SVOPL: variants seen among roughly 807,000 people sequenced by gnomAD.
SVOPL encodes the protein putative transporter SVOPL.
A neutral mutation model predicts 61.0 loss-of-function variants in SVOPL; 60 were observed. The ratio of observed to expected loss-of-function variants is 0.98; its 90% CI spans 0.80 to 1.22. The LOEUF is 1.22. Ranked by LOEUF, SVOPL falls within the 50% of genes most tolerant of loss-of-function variation. The pLI, the probability that SVOPL is intolerant of heterozygous loss-of-function variation, is 0.00. For missense variants in SVOPL, 662 were observed against 643.9 expected, an observed-to-expected ratio of 1.03 and a Z score of -0.30; for synonymous variants, 279 against 250.0, an observed-to-expected ratio of 1.12 and a Z score of -1.09.
chr7:138,638,593 C>T (rs952434587), intron 9 of SVOPL, among the ~76,000 whole-genome samples: 12 of 149,998 alleles, frequency 8.0e-5, no homozygotes, highest in African/African-American at 3.0e-4. Flanking sequence ...GACCCCATCA[C>T]AAAAAACAGC....
At chr7:138,658,322 T>C (rs1478036465) in intron 6 of SVOPL, among the ~76,000 whole-genome samples, 3 of 152,086 alleles carry the variant, frequency 2.0e-5, no homozygotes, top group Admixed American at 6.6e-5. Flanking sequence ...TCTTAAATCA[T>C]AGGGTGATAG....
chr7:138,654,589 T>C (rs1801617443), intron 7 of SVOPL, among the ~76,000 whole-genome samples: 1 of 148,634 alleles, frequency 6.7e-6, no homozygotes, highest in South Asian at 2.2e-4. Flanking sequence ...AACCTTCTCC[T>C]CCCAGGTTCA....
intron 3 of SVOPL, among the ~76,000 whole-genome samples, chr7:138,678,179 C>T (rs1802615091): frequency 6.6e-6 from 1 of 151,994 alleles, no homozygotes; most frequent in Non-Finnish European, 1.5e-5. Flanking sequence ...CTGAAAGTCC[C>T]CCCTCCCCCA....
chr7:138,624,611 T>C (rs1156601111), intron 13 of SVOPL, among the ~76,000 whole-genome samples: 1 of 152,134 alleles, frequency 6.6e-6, no homozygotes, highest in African/African-American at 2.4e-5. Flanking sequence ...CAACACGAAA[T>C]TGGAATACAA....
chr7:138,660,761 T>G (rs1423679694), intron 5 of SVOPL: 1 of 985,188 alleles, frequency 1.0e-6, no homozygotes, highest in Non-Finnish European at 1.2e-6. Context: ...GCCAGGCTGA[T>G]GGTCAGAAAA....
chr7:138,653,256 G>A (rs1801526565), intron 7 of SVOPL, among the ~76,000 whole-genome samples: 1 of 152,170 alleles, frequency 6.6e-6, no homozygotes, highest in Non-Finnish European at 1.5e-5. Context: ...AGGTCATCCA[G>A]GAGATCTAGC....
chr7:138,650,207 G>A (rs1050906030), intron 7 of SVOPL, among the ~76,000 whole-genome samples: 1 of 152,172 alleles, frequency 6.6e-6, no homozygotes, highest in African/African-American at 2.4e-5. Context: ...ACATTTTGGA[G>A]ATAAAGGTGA....
chr7:138,688,047 C>T (rs1011698898), intron 1 of SVOPL, among the ~76,000 whole-genome samples: 21 of 152,150 alleles, frequency 1.4e-4, no homozygotes, highest in Admixed American at 3.3e-4. Context: ...GTGATCCACC[C>T]GCCTCGGCCC....
At position 138,628,282 on chromosome 7, in the gene SVOPL, C is replaced by T; in HGVS notation, c.945G>A (p.Lys315=). ...CAGTCACCACCACCGCAGAGTCTGA[C>T]TTTGAACCACAGACCAAGTCCCGCT... ...LLERDLVCGS[K]SDSAVVVTGG... Residue 315 remains lysine, a synonymous_variant, in exon 11 of 16, where the codon AAG becomes AAA. Transcript: ENST00000674285. 6.2e-7 allele frequency: 1 copy of T among 1,614,202 alleles called. No individual in the cohort carries two copies. Among genetic ancestry groups the T allele is most frequent in the Non-Finnish European group, 8.5e-7 (1 of 1,180,040 alleles).
intron 1 of SVOPL, among the ~76,000 whole-genome samples, chr7:138,697,786 GAGA>G (rs960373838): frequency 6.0e-5 from 9 of 150,578 alleles, no homozygotes; most frequent in Middle Eastern, 6.9e-3. Context: ...GGAGGAGAAG[GAGA>G]AGAAGAAGAG....
chr7:138,679,615 C>T (rs748077372), intron 1 of SVOPL, among the ~76,000 whole-genome samples: 1 of 152,084 alleles, frequency 6.6e-6, no homozygotes, highest in Non-Finnish European at 1.5e-5. Context: ...GGAATTTGCC[C>T]TTTGCACACC....
chr7:138,631,493 C>A (rs1800187846), intron 9 of SVOPL, among the ~76,000 whole-genome samples: 2 of 152,132 alleles, frequency 1.3e-5, no homozygotes, highest in Non-Finnish European at 2.9e-5. Flanking sequence ...TCTTCCCAAT[C>A]TGACCAAGAC....
At chr7:138,697,678 A>AAAGAAGAAGAAG (rs1376511622) in intron 1 of SVOPL, among the ~76,000 whole-genome samples, 1 of 147,188 alleles carries the variant, frequency 6.8e-6, no homozygotes, top group Admixed American at 7.3e-5. Flanking sequence ...AGAAGGAGGA[A>AAAGAAGAAGAAG]AAGAAGAGGA....
intron 1 of SVOPL, among the ~76,000 whole-genome samples, chr7:138,688,081 G>A (rs915852787): frequency 1.5e-4 from 23 of 152,146 alleles, no homozygotes; most frequent in Non-Finnish European, 2.9e-4. Context: ...GATTACAGGC[G>A]TGAGCCACTG....
chr7:138,607,425 G>A (rs942273783), intron 14 of SVOPL, among the ~76,000 whole-genome samples: 29 of 152,144 alleles, frequency 1.9e-4, no homozygotes, highest in Non-Finnish European at 1.5e-4. Context: ...GGGAAGCAGC[G>A]GCCACAGAGG....
chr7:138,661,659 A>G (rs543372623), intron 5 of SVOPL: 1 of 946,660 alleles, frequency 1.1e-6, no homozygotes, highest in South Asian at 4.9e-5. Flanking sequence ...ATGTAGAATC[A>G]GCTGATAGCA....
At chr7:138,610,085 A>T (rs1305828114) in intron 14 of SVOPL, among the ~76,000 whole-genome samples, 1 of 152,236 alleles carries the variant, frequency 6.6e-6, no homozygotes. Flanking sequence ...ATGTTCAATA[A>T]TACAGAACTA....
At chr7:138,680,821 C>T (rs957248570) in intron 1 of SVOPL, among the ~76,000 whole-genome samples, 10 of 152,222 alleles carry the variant, frequency 6.6e-5, no homozygotes, top group Middle Eastern at 3.4e-3. Flanking sequence ...CTTGTGAATC[C>T]GCCCGCATCG....
At position 138,694,549 on chromosome 7, in the gene SVOPL, C is replaced by T. The variant is rs1029843029; in HGVS notation, c.-35+6629G>A. Among the ~76,000 whole-genome samples, 3 of 151,728 alleles carry T rather than the reference C, an allele frequency of 2.0e-5. No individual in the cohort carries two copies. In the South Asian group the frequency reaches 6.3e-4, roughly 32 times the overall value. On this transcript the variant is annotated intron_variant, in intron 1 of 15. Coordinates refer to ENST00000674285, the MANE Select transcript of SVOPL (RefSeq NM_001139456.2). ...GCATGAGCCACCGTGCTGACCCACA[C>T]TGTTGTTTTAACAACAACAACAAAA...
Sources: allele counts gnomAD v4.1 joint callset (sites outside exome capture counted in the v4.1 genomes callset), GRCh38; gene constraint gnomAD v4.1.1; transcripts MANE v1.5; gene names NCBI Gene and HGNC (gene_info 2026-07-23, HGNC 2026-07-21).